The following CDYL variants were observed in gnomAD, a reference collection of about 807,000 sequenced individuals.
The protein encoded by CDYL is chromodomain Y like, also known as chromodomain Y-like protein.
Under a neutral mutation model 47.3 loss-of-function variants are expected in CDYL, and 8 were observed. The ratio of observed to expected loss-of-function variants is 0.17; its 90% CI spans 0.10 to 0.31. The LOEUF (loss-of-function observed/expected upper bound fraction) is 0.31, where lower values mean the gene tolerates loss of function less well. Ranked by LOEUF, CDYL falls within the 10% of genes least tolerant of loss-of-function variation. The pLI is 1.00. For missense variants in CDYL, 471 were observed against 701.4 expected, an observed-to-expected ratio of 0.67 and a Z score of 3.71; for synonymous variants, 266 against 265.0, an observed-to-expected ratio of 1.00 and a Z score of -0.04.
intron 2 of CDYL, among the ~76,000 whole-genome samples, chr6:4,732,656 C>CT (rs1757625428): frequency 8.7e-6 from 1 of 115,150 alleles, no homozygotes; most frequent in Non-Finnish European, 1.6e-5. Flanking sequence ...GAGAGAGATC[C>CT]TGTTTTTTAA....
chr6:4,939,400 C>T (rs1758297267), intron 4 of CDYL, among the ~76,000 whole-genome samples: 1 of 152,148 alleles, frequency 6.6e-6, no homozygotes, highest in Admixed American at 6.5e-5. Context: ...TCCTGGAACC[C>T]ACACCTCTGG....
intron 1 of CDYL, among the ~76,000 whole-genome samples, chr6:4,865,305 C>T (rs779613840): frequency 1.3e-5 from 2 of 152,254 alleles, no homozygotes; most frequent in Non-Finnish European, 2.9e-5. Flanking sequence ...CATACCCCTT[C>T]TGTCTTTAAA....
At chr6:4,816,252 GT>G (rs113113323) in intron 1 of CDYL, among the ~76,000 whole-genome samples, 108 of 142,224 alleles carry the variant, frequency 7.6e-4, no homozygotes, top group African/African-American at 1.2e-3. Flanking sequence ...TCGCGTCCCT[GT>G]TTTTTTTTTT....
At chr6:4,864,536 A>C (rs1761265142) in intron 1 of CDYL, among the ~76,000 whole-genome samples, 1 of 151,920 alleles carries the variant, frequency 6.6e-6, no homozygotes, top group Non-Finnish European at 1.5e-5. Context: ...CCCCACCCAA[A>C]CCTCAACTTG....
At chr6:4,731,413 T>C (rs1416555512) in intron 2 of CDYL, among the ~76,000 whole-genome samples, 1 of 152,142 alleles carries the variant, frequency 6.6e-6, no homozygotes, top group Non-Finnish European at 1.5e-5. Context: ...CTAATTCAAA[T>C]GGTAAGAATT....
Position 4,803,481 on chromosome 6 carries a change from T to TG in CDYL, c.24+26678dup, listed in dbSNP as rs1759282312. Among the ~76,000 whole-genome samples the TG allele has an allele frequency of 2.0e-5, 3 of 152,340 alleles. No individual in the cohort carries two copies. In the South Asian group the frequency reaches 6.2e-4, roughly 32 times the overall value. On this transcript the variant is annotated intron_variant, in intron 1 of 6. Coordinates refer to ENST00000397588, the MANE Select transcript of CDYL (RefSeq NM_004824.4). ...GCAGATTTTATCCTGCTCTGAAGCCTGGGGCATGGATGAGAATTCTTTCAG... is the reference window on the plus strand; with the variant it reads ...GCAGATTTTATCCTGCTCTGAAGCCTGGGGGCATGGATGAGAATTCTTTCAG...
At chr6:4,720,287 T>C (rs1029345407) in intron 2 of CDYL, among the ~76,000 whole-genome samples, 2 of 152,156 alleles carry the variant, frequency 1.3e-5, no homozygotes, top group African/African-American at 2.4e-5. Context: ...TCTTGAAAAA[T>C]TCTTAAAACT....
chr6:4,894,717 T>C (rs1364732403), intron 2 of CDYL, among the ~76,000 whole-genome samples: 1 of 152,132 alleles, frequency 6.6e-6, no homozygotes, highest in African/African-American at 2.4e-5. Context: ...CCCAAAATGC[T>C]GGATTACAGG....
intron 2 of CDYL, among the ~76,000 whole-genome samples, chr6:4,719,656 G>C (rs754168810): frequency 6.6e-6 from 1 of 152,188 alleles, no homozygotes; most frequent in African/African-American, 2.4e-5. Context: ...GAACGATGAT[G>C]GGGGTTGATC....
At chr6:4,851,380 A>G (rs1422550791) in intron 1 of CDYL, among the ~76,000 whole-genome samples, 2 of 152,232 alleles carry the variant, frequency 1.3e-5, no homozygotes, top group African/African-American at 2.4e-5. Flanking sequence ...GAAAAGAATC[A>G]TGAGTGCTTC....
chr6:4,820,565 C>T (rs1203563075), intron 1 of CDYL, among the ~76,000 whole-genome samples: 6 of 152,134 alleles, frequency 3.9e-5, no homozygotes, highest in Non-Finnish European at 7.3e-5. Flanking sequence ...GTGAGGGAAT[C>T]GAGGGACTTT....
intron 1 of CDYL, among the ~76,000 whole-genome samples, chr6:4,848,194 G>A (rs1398659577): frequency 6.6e-6 from 1 of 152,148 alleles, no homozygotes; most frequent in African/African-American, 2.4e-5. Flanking sequence ...TGGGAGGGGG[G>A]TGCTTTATTG....
intron 1 of CDYL, among the ~76,000 whole-genome samples, chr6:4,813,936 ATTTTTTTT>A (rs10545664): frequency 8.1e-6 from 1 of 122,850 alleles, no homozygotes; most frequent in African/African-American, 2.8e-5. Flanking sequence ...TGCCTGGCTA[ATTTTTTTT>A]TTTTTTTTTT....
At chr6:4,929,089 T>G (rs1757958968) in intron 2 of CDYL, among the ~76,000 whole-genome samples, 1 of 152,236 alleles carries the variant, frequency 6.6e-6, no homozygotes, top group Admixed American at 6.5e-5. Context: ...TCCTTCTGCC[T>G]GAAGAACATT....
intron 2 of CDYL, among the ~76,000 whole-genome samples, chr6:4,900,980 A>G (rs1354400575): frequency 2.0e-5 from 3 of 150,462 alleles, no homozygotes; most frequent in African/African-American, 4.9e-5. Context: ...AAAGAGGTCC[A>G]TGATTCAGGG....
intron 1 of CDYL, among the ~76,000 whole-genome samples, chr6:4,806,085 G>T (rs368437862): frequency 1.3e-5 from 2 of 152,240 alleles, no homozygotes; most frequent in Middle Eastern, 3.2e-3. Flanking sequence ...TGTACATGCC[G>T]CAGGGACGCA....
intron 2 of CDYL, among the ~76,000 whole-genome samples, chr6:4,923,879 T>C (rs74343941): frequency 0.021 from 2,729 of 127,876 alleles, 43 homozygotes; most frequent in Middle Eastern, 0.039. Flanking sequence ...CCAGCCTGGG[T>C]GACAGAGTGA....
chr6:4,716,721 A>C (rs1285180764), intron 2 of CDYL, among the ~76,000 whole-genome samples: 1 of 151,706 alleles, frequency 6.6e-6, no homozygotes, highest in African/African-American at 2.4e-5. Flanking sequence ...ATACCACGAG[A>C]GCTAGCAACC....
intron 3 of CDYL, among the ~76,000 whole-genome samples, chr6:4,770,285 T>G (rs958742699): frequency 6.6e-6 from 1 of 152,158 alleles, no homozygotes; most frequent in Non-Finnish European, 1.5e-5. Context: ...TGACTATAAC[T>G]TAATGATTCA....
Sources: gnomAD v4.1 joint callset for allele counts (sites outside exome capture counted in the v4.1 genomes callset) on GRCh38, gnomAD v4.1.1 for gene constraint, MANE v1.5 for transcripts, NCBI Gene and HGNC (gene_info 2026-07-23, HGNC 2026-07-21) for gene names.